The following HEATR5B variants were observed in gnomAD, a reference collection of about 807,000 sequenced individuals.
HEATR5B encodes HEAT repeat containing 5B, also known as HEAT repeat-containing protein 5B.
In HEATR5B, 156 loss-of-function variants were observed where a neutral mutation model predicts 224.1. The ratio of observed to expected loss-of-function variants is 0.70; its 90% CI spans 0.61 to 0.80. The LOEUF (loss-of-function observed/expected upper bound fraction) is 0.80. Ranked by LOEUF, HEATR5B falls within the 30% of genes least tolerant of loss-of-function variation. HEATR5B has a pLI of 0.00. For missense variants in HEATR5B, 2,323 were observed against 2,535.5 expected (o/e 0.92, Z 1.80); for synonymous variants, 1,027 against 893.0 (o/e 1.15, Z -2.68).
intron 8 of HEATR5B, among the ~76,000 whole-genome samples, chr2:37,066,342 A>T (rs1405916665): frequency 6.6e-6 from 1 of 152,216 alleles, no homozygotes; most frequent in East Asian, 1.9e-4. Flanking sequence ...TACTGTGGTG[A>T]TTAAAAAGTC....
rs767397771 is a variant in HEATR5B at position 37,077,035 on chromosome 2, A to C, written c.339-16T>G. ...CACCGCAGCCCTGTAAGAAGTGACA[A>C]CTTCACTAGTCATTGTCCAGGTTAA... is the stretch of plus-strand genomic sequence containing the variant. On this transcript the variant is annotated splice_polypyrimidine_tract_variant and intron_variant, in intron 3 of 35. Transcript: ENST00000233099. 1.9e-6 allele frequency: 3 copies of C among 1,550,968 alleles called. No individual in the cohort carries two copies. In the Admixed American group the frequency reaches 5.1e-5, roughly 26 times the overall value.
At chr2:36,985,458 GTT>G (rs376871419) in intron 35 of HEATR5B, among the ~76,000 whole-genome samples, 7 of 126,698 alleles carry the variant, frequency 5.5e-5, no homozygotes, top group Admixed American at 1.7e-4. Flanking sequence ...CTTTTTTTTG[GTT>G]TTTTTTTTTT....
Position 37,040,362 on chromosome 2 carries a change from C to A in HEATR5B, c.3013G>T (p.Ala1005Ser). 6.2e-7 allele frequency: 1 copy of A among 1,613,926 alleles called. No individual in the cohort carries two copies. The highest frequency in any genetic ancestry group is 8.5e-7 in the Non-Finnish European group (1 of 1,179,926). ...VHQCLGRCLG[A>S]IITTVGPELQ... The stretch of plus-strand genomic sequence containing the variant: ...TCAGGGCCAACAGTAGTTATTATAG[C>A]ACCCAAGCATCGACCCAAACACTGA... Residue 1005 changes from alanine (A) to serine (S), a missense_variant, in exon 20 of 36, where the codon GCT becomes TCT. This residue lies in a region of HEATR5B where 22 missense variants were observed against 46.9 expected (regional missense o/e 0.47). Transcript: ENST00000233099.
chr2:37,084,203 C>T (rs937533830), intron 1 of HEATR5B, 66 bp downstream of exon 1: 4 of 342,408 alleles, frequency 1.2e-5, no homozygotes, highest in South Asian at 3.1e-4. Context: ...GTCTTCCCCA[C>T]CCGTCTGAAA....
Position 37,008,982 on chromosome 2 carries a change from G to A in HEATR5B, c.4285-134C>T, listed in dbSNP as rs886528787. 1.1e-5 allele frequency: 8 copies of A among 715,792 alleles called. No homozygotes were observed. In the Middle Eastern group the frequency reaches 1.6e-3, roughly 145 times the overall value. The allele number at this position is 715,792 out of a possible 1,614,324, so 44.3% of individuals were successfully genotyped here. ...ATATTAGAAAGTATACACTTTGGCT[G>A]GGTGCGGTGGCTCACACCTGTAATC... On this transcript the variant is annotated intron_variant, in intron 27 of 35. Transcript: ENST00000233099.
intron 12 of HEATR5B, 75 bp from the exon 13 acceptor site, chr2:37,059,062 T>TTA: frequency 1.1e-6 from 1 of 903,144 alleles, no homozygotes; most frequent in Non-Finnish European, 1.7e-6. Flanking sequence ...ATTGTATAAA[T>TTA]ATAAAGGCAG....
intron 33 of HEATR5B, among the ~76,000 whole-genome samples, chr2:36,995,719 T>C (rs1045878850): frequency 3.3e-5 from 5 of 152,226 alleles, no homozygotes; most frequent in African/African-American, 9.6e-5. Flanking sequence ...ATAAACATGG[T>C]ACTTAATAGA....
chr2:37,053,398 C>T (rs532973098), intron 17 of HEATR5B, 104 bp downstream of exon 17: 3 of 509,414 alleles, frequency 5.9e-6, no homozygotes, highest in Non-Finnish European at 1.0e-5. Context: ...GCACAGTTAC[C>T]AAGTGATTTA....
In HEATR5B at chr2:37,025,213, T is replaced by G. The variant is rs1668694484; in HGVS notation, c.3853+2710A>C. Among the ~76,000 whole-genome samples, 5 of 152,158 alleles carry G rather than the reference T, an allele frequency of 3.3e-5. No individual in the cohort carries two copies. In the South Asian group the frequency reaches 1.0e-3, roughly 32 times the overall value. ...ATCCAGAACAAAATATGTCAGACAC[T>G]GGAATCTAGGTGGGAGCTGTTACAA... is the stretch of plus-strand genomic sequence containing the variant. On this transcript the variant is annotated intron_variant, in intron 24 of 35. Coordinates refer to ENST00000233099, the MANE Select transcript of HEATR5B (RefSeq NM_019024.3).
chr2:37,061,831 C>G, intron 11 of HEATR5B, 108 bp downstream of exon 11: 1 of 641,626 alleles, frequency 1.6e-6, no homozygotes, highest in Non-Finnish European at 2.7e-6. Flanking sequence ...ATTTTTACAA[C>G]TTCAATGAAA....
intron 2 of HEATR5B, among the ~76,000 whole-genome samples, chr2:37,080,567 G>A (rs952938453): frequency 2.0e-5 from 3 of 152,128 alleles, no homozygotes; most frequent in African/African-American, 7.2e-5. Flanking sequence ...CAACTAGAAG[G>A]ATGAAATGGT....
intron 2 of HEATR5B, among the ~76,000 whole-genome samples, chr2:37,082,826 C>G (rs980464961): frequency 1.3e-5 from 2 of 152,076 alleles, no homozygotes; most frequent in African/African-American, 4.8e-5. Context: ...CTCTATATTT[C>G]TGTGTGTGTC....
chr2:37,057,409 T>C lies in HEATR5B; in HGVS notation c.2131A>G (p.Thr711Ala), dbSNP rs1440046450. The C allele has an allele frequency of 6.2e-7, 1 of 1,611,728 alleles. No homozygotes were observed. Among genetic ancestry groups the C allele is most frequent in the Non-Finnish European group, 8.5e-7 (1 of 1,178,848 alleles). The change falls in exon 15 of 36, where the codon ACT (threonine) becomes GCT (alanine). Residue 711 changes from threonine to alanine, a missense_variant. Physicochemically the swap from Thr to Ala is moderately conservative, Grantham distance 58 (BLOSUM62 0). Around this residue, in one of 12 missense-constraint regions of HEATR5B, gnomAD observed 502 missense variants for 517.8 expected, o/e 0.97. Coordinates refer to ENST00000233099, the MANE Select transcript of HEATR5B (RefSeq NM_019024.3). ...TGGCAGAGGGATCTGAGGAGGGAAG[T>C]AGTTGTGTTGGCTGAGTTGTCAGTC... Reference protein sequence around the residue: ...TLTDNSANTTTSLLRSLCHYD... With the variant: ...TLTDNSANTTASLLRSLCHYD...
chr2:37,048,325 T>A (rs966012980), intron 18 of HEATR5B, among the ~76,000 whole-genome samples: 1 of 151,822 alleles, frequency 6.6e-6, no homozygotes, highest in East Asian at 1.9e-4. Context: ...GATGGGACGA[T>A]AGGTATATTC....
chr2:37,028,602 T>A lies in HEATR5B; in HGVS notation c.3601+79A>T. 5.5e-6 allele frequency: 6 copies of A among 1,100,206 alleles called. No individual in the cohort carries two copies. The South Asian group carries it at 8.2e-5, about 15-fold the overall frequency. The allele number at this position is 1,100,206 out of a possible 1,614,324, so 68.2% of individuals were successfully genotyped here. On this transcript the variant is annotated intron_variant, in intron 23 of 35. Transcript: ENST00000233099. ...AAAACCTATAATTTACATGTATGTATCTTTATACATATATCTATATGTATA... is the reference window on the plus strand; with the variant it reads ...AAAACCTATAATTTACATGTATGTAACTTTATACATATATCTATATGTATA...
intron 29 of HEATR5B, among the ~76,000 whole-genome samples, chr2:37,006,483 A>G (rs1667424367): frequency 6.6e-6 from 1 of 152,162 alleles, no homozygotes; most frequent in Non-Finnish European, 1.5e-5. Flanking sequence ...CTCTACTAAA[A>G]ATACAAAATT....
chr2:37,052,777 A>G (rs1174360146), intron 17 of HEATR5B, among the ~76,000 whole-genome samples: 4 of 152,252 alleles, frequency 2.6e-5, no homozygotes, highest in Non-Finnish European at 5.9e-5. Flanking sequence ...ACAGACAGGT[A>G]GGGTAGAAAG....
chr2:37,027,682 T>G (rs1668865785), intron 24 of HEATR5B, among the ~76,000 whole-genome samples: 1 of 152,178 alleles, frequency 6.6e-6, no homozygotes, highest in Admixed American at 6.5e-5. Flanking sequence ...AATGATTAAA[T>G]AGACACACAG....
chr2:37,080,072 A>G (rs1245579713), intron 2 of HEATR5B, among the ~76,000 whole-genome samples: 1 of 152,218 alleles, frequency 6.6e-6, no homozygotes, highest in Non-Finnish European at 1.5e-5. Flanking sequence ...TTCCAGGCTG[A>G]AGGAACAAGT....
Sources: allele counts gnomAD v4.1 joint callset (sites outside exome capture counted in the v4.1 genomes callset), GRCh38; gene constraint gnomAD v4.1.1; regional missense constraint gnomAD v4.1.1; transcripts MANE v1.5; gene names NCBI Gene and HGNC (gene_info 2026-07-23, HGNC 2026-07-21).